The following LIPA variants were observed in gnomAD, a reference collection of about 807,000 sequenced individuals.
LIPA encodes lysosomal acid lipase/cholesteryl ester hydrolase.
A neutral mutation model predicts 40.6 loss-of-function variants in LIPA; 26 were observed. The observed-to-expected ratio is 0.64, with a 90% CI of 0.47 to 0.89. LIPA has a LOEUF of 0.89. Among genes scored for constraint, LIPA ranks in the 40% least tolerant of loss-of-function variants. The pLI, the probability that LIPA is intolerant of heterozygous loss-of-function variation, is 0.00. For missense variants in LIPA, 455 were observed against 479.6 expected (o/e 0.95, Z 0.48); for synonymous variants, 188 against 168.4 (o/e 1.12, Z -0.90).
intron 2 of LIPA, among the ~76,000 whole-genome samples, chr10:89,360,640 C>T (rs575694569): frequency 8.5e-5 from 13 of 152,306 alleles, no homozygotes; most frequent in South Asian, 8.3e-4. Context: ...GTGATCCACC[C>T]GCCTCGGCCT....
chr10:89,396,565 C>T (rs1040408548), intron 2 of LIPA, among the ~76,000 whole-genome samples: 2 of 152,164 alleles, frequency 1.3e-5, no homozygotes, highest in Admixed American at 6.5e-5. Flanking sequence ...AGAATTCACT[C>T]ACTACTACTA....
intron 2 of LIPA, among the ~76,000 whole-genome samples, chr10:89,355,234 G>A (rs1843983003): frequency 6.6e-6 from 1 of 152,190 alleles, no homozygotes; most frequent in Non-Finnish European, 1.5e-5. Flanking sequence ...ACTCTCATTA[G>A]CTTTACAAAA....
At chr10:89,234,842 GCTGTAGGTA>G (rs1335363518) in intron 3 of LIPA, among the ~76,000 whole-genome samples, 1 of 152,260 alleles carries the variant, frequency 6.6e-6, no homozygotes, top group Non-Finnish European at 1.5e-5. Context: ...ACGCTTGTAT[GCTGTAGGTA>G]CTGTACTGAA....
At chr10:89,217,776 G>A (rs939818799) in intron 8 of LIPA, among the ~76,000 whole-genome samples, 7 of 152,184 alleles carry the variant, frequency 4.6e-5, no homozygotes, top group African/African-American at 1.7e-4. Flanking sequence ...TCAAACAGTA[G>A]AATTGTATGC....
At chr10:89,392,947 C>T (rs1389693934) in intron 2 of LIPA, among the ~76,000 whole-genome samples, 1 of 152,140 alleles carries the variant, frequency 6.6e-6, no homozygotes, top group African/African-American at 2.4e-5. Context: ...AAGCTTACCT[C>T]ATGCTATAGC....
Position 89,379,086 on chromosome 10 carries a change from G to A in LIPA, c.61+33705C>T, listed in dbSNP as rs58233640. Among the ~76,000 whole-genome samples, 1,379 of 152,270 alleles carry A rather than the reference G, an allele frequency of 9.1e-3. 21 individuals carry two copies. Among genetic ancestry groups the A allele is most frequent in the African/African-American group, 0.032 (1,325 of 41,544 alleles). ...TATTTGATAAATTGGTTAAATTCAC[G>A]TGGGAAAAAGAAGCTACTTTCAGAG... On this transcript the variant is annotated intron_variant, in intron 2 of 8. Transcript: ENST00000371837.
At chr10:89,325,281 T>G (rs1005942402) in intron 1 of LIPA, among the ~76,000 whole-genome samples, 1 of 152,194 alleles carries the variant, frequency 6.6e-6, no homozygotes, top group Non-Finnish European at 1.5e-5. Flanking sequence ...TGTAAATTAG[T>G]TCAGTCACTA....
chr10:89,230,951 T>G (rs1842834339), intron 3 of LIPA, among the ~76,000 whole-genome samples: 1 of 152,208 alleles, frequency 6.6e-6, no homozygotes, highest in South Asian at 2.1e-4. Context: ...AATGAGAGCT[T>G]CCTTTGCCCT....
At chr10:89,407,686 T>C (rs60496145) in intron 2 of LIPA, among the ~76,000 whole-genome samples, 11,799 of 152,196 alleles carry the variant, frequency 0.078, 1,523 homozygotes, top group African/African-American at 0.27. Context: ...AACATCTTTA[T>C]AGGACACAGG....
At chr10:89,223,160 A>G (rs1405594365) in intron 7 of LIPA, among the ~76,000 whole-genome samples, 3 of 152,156 alleles carry the variant, frequency 2.0e-5, no homozygotes, top group Non-Finnish European at 4.4e-5. Flanking sequence ...TACTTATAGT[A>G]ATTTTTGAAA....
chr10:89,250,062 C>A (rs1007240267), intron 1 of LIPA, among the ~76,000 whole-genome samples: 27 of 134,996 alleles, frequency 2.0e-4, no homozygotes, highest in African/African-American at 7.5e-4. Flanking sequence ...CTCTGAAATT[C>A]TTTTCTTTTT....
intron 3 of LIPA, among the ~76,000 whole-genome samples, chr10:89,232,758 T>A (rs1842857955): frequency 6.6e-6 from 1 of 152,134 alleles, no homozygotes; most frequent in Admixed American, 6.5e-5. Context: ...TTCCCTAAAG[T>A]CTCTGTACTT....
At chr10:89,386,385 A>G (rs1844210340) in intron 2 of LIPA, among the ~76,000 whole-genome samples, 1 of 152,188 alleles carries the variant, frequency 6.6e-6, no homozygotes, top group African/African-American at 2.4e-5. Flanking sequence ...GCACAGGAGT[A>G]ACACCTTTTT....
intron 2 of LIPA, among the ~76,000 whole-genome samples, chr10:89,401,819 T>C (rs1844429253): frequency 6.6e-6 from 1 of 151,822 alleles, no homozygotes; most frequent in South Asian, 2.1e-4. Flanking sequence ...TCAAATATTA[T>C]CTGTTTCATG....
At chr10:89,414,634 C>G, upstream of LIPA, 1 of 627,298 alleles carries the variant, frequency 1.6e-6, no homozygotes. Context: ...TGGGGTCTCT[C>G]CTTTAACAAA....
At chr10:89,264,304 T>C (rs1843224466) in intron 1 of LIPA, among the ~76,000 whole-genome samples, 1 of 152,176 alleles carries the variant, frequency 6.6e-6, no homozygotes, top group Non-Finnish European at 1.5e-5. Context: ...AAGAAGTCCT[T>C]TATTGAGCAA....
chr10:89,393,212 A>C, intron 2 of LIPA: 1 of 1,289,904 alleles, frequency 7.8e-7, no homozygotes, highest in Non-Finnish European at 1.0e-6. Flanking sequence ...TGGTAGGAAA[A>C]GCTCACAGCC....
chr10:89,331,798 G>A (rs1459509914), intron 1 of LIPA, among the ~76,000 whole-genome samples: 1 of 149,100 alleles, frequency 6.7e-6, no homozygotes, highest in Non-Finnish European at 1.5e-5. Context: ...GGCAGAGGTT[G>A]CAGTAAGCTG....
chr10:89,307,191 A>C, intron 1 of LIPA: 5 of 1,614,046 alleles, frequency 3.1e-6, no homozygotes, highest in Non-Finnish European at 4.2e-6. Context: ...GAAAAGATGA[A>C]AGACAAACTG....
Sources: allele counts gnomAD v4.1 joint callset (sites outside exome capture counted in the v4.1 genomes callset), GRCh38; gene constraint gnomAD v4.1.1; transcripts MANE v1.5; gene names NCBI Gene and HGNC (gene_info 2026-07-23, HGNC 2026-07-21).